The following EPS15 variants were observed in gnomAD, a reference collection of about 807,000 sequenced individuals.
EPS15 encodes the protein epidermal growth factor receptor pathway substrate 15.
EPS15 carries 72 observed loss-of-function variants against 113.8 expected under a neutral mutation model. The observed-to-expected ratio is 0.63, with a 90% CI of 0.52 to 0.77. EPS15 has a LOEUF of 0.77. Ranked by LOEUF, EPS15 falls within the 30% of genes least tolerant of loss-of-function variation. The pLI is 0.00. For missense variants in EPS15, 1,048 were observed against 1,045.8 expected (o/e 1.00, Z -0.03); for synonymous variants, 344 against 363.4 (o/e 0.95, Z 0.61).
Position 51,480,493 on chromosome 1 carries a change from C to T in EPS15, c.75+780G>A, listed in dbSNP as rs542786540. On this transcript the variant is annotated intron_variant, in intron 2 of 24. Coordinates refer to ENST00000371733, the MANE Select transcript of EPS15 (RefSeq NM_001981.3). ...TGGTGAAGTATGTAAATCTCTGTAA[C>T]TCATATTCCCATTTTTTTGTTGTTG... Among the ~76,000 whole-genome samples the T allele has an allele frequency of 4.6e-5, 7 of 152,210 alleles. No homozygotes were observed. In the South Asian group the frequency reaches 1.0e-3, roughly 23 times the overall value.
At chr1:51,464,948 G>A (rs1654739911) in intron 6 of EPS15, among the ~76,000 whole-genome samples, 1 of 152,178 alleles carries the variant, frequency 6.6e-6, no homozygotes, top group Non-Finnish European at 1.5e-5. Context: ...AAAATACATA[G>A]TTAACCAGAA....
In EPS15 at chr1:51,437,639, C is replaced by T. The variant is rs549791250; in HGVS notation, c.1040+2708G>A. 9.9e-5 allele frequency among the ~76,000 whole-genome samples: 15 copies of T among 151,948 alleles called. No individual in the cohort carries two copies. The East Asian group carries it at 1.9e-3, about 20-fold the overall frequency. On this transcript the variant is annotated intron_variant, in intron 12 of 24. Transcript: ENST00000371733. Reference sequence around the variant, plus strand: ...CTGGAATTACAGATGTGTGCCACCACGCCTGTCTAATTTTTGTATTTTTAG... The same window carrying T: ...CTGGAATTACAGATGTGTGCCACCATGCCTGTCTAATTTTTGTATTTTTAG...
intron 1 of EPS15, among the ~76,000 whole-genome samples, chr1:51,503,692 A>T (rs1161922267): frequency 1.3e-5 from 2 of 152,206 alleles, no homozygotes; most frequent in Non-Finnish European, 2.9e-5. Flanking sequence ...TCCCAATTTC[A>T]AAATGTATTA....
chr1:51,407,723 G>T (rs72694193), intron 15 of EPS15, among the ~76,000 whole-genome samples: 4,582 of 152,284 alleles, frequency 0.03, 73 homozygotes, highest in African/African-American at 0.05. Context: ...CAACACTTAT[G>T]GAGCATTTAT....
intron 8 of EPS15, among the ~76,000 whole-genome samples, chr1:51,454,712 C>T (rs965723451): frequency 3.3e-5 from 5 of 152,266 alleles, no homozygotes; most frequent in Admixed American, 1.3e-4. Flanking sequence ...CTAAATGCAA[C>T]GTGATACCCT....
chr1:51,477,515 T>G (rs1310952149), intron 2 of EPS15, among the ~76,000 whole-genome samples: 1 of 152,230 alleles, frequency 6.6e-6, no homozygotes, highest in African/African-American at 2.4e-5. Flanking sequence ...GTGCTGGCTC[T>G]TGCTTCTCTA....
intron 20 of EPS15, among the ~76,000 whole-genome samples, chr1:51,397,934 C>T (rs778476952): frequency 1.5e-4 from 23 of 152,186 alleles, no homozygotes; most frequent in Admixed American, 3.3e-4. Flanking sequence ...AAAAGCAAAA[C>T]CAAAAACCTG....
At chr1:51,449,343 A>G (rs1209917193) in intron 8 of EPS15, among the ~76,000 whole-genome samples, 1 of 152,212 alleles carries the variant, frequency 6.6e-6, no homozygotes, top group Non-Finnish European at 1.5e-5. Flanking sequence ...CAGGAACAGA[A>G]AAACAAATAC....
chr1:51,465,899 C>T (rs139250158), intron 5 of EPS15, among the ~76,000 whole-genome samples: 87 of 150,938 alleles, frequency 5.8e-4, no homozygotes, highest in African/African-American at 2.0e-3. Context: ...AAACAAGCAA[C>T]TAGTTACTGG....
chr1:51,380,441 G>A (rs1047341561), intron 21 of EPS15, among the ~76,000 whole-genome samples: 1 of 152,196 alleles, frequency 6.6e-6, no homozygotes, highest in Non-Finnish European at 1.5e-5. Flanking sequence ...GAGTGGAGCT[G>A]TAAAGGAGTG....
Position 51,440,291 on chromosome 1 carries a change from G to GTT in EPS15, c.1040+55_1040+56insAA, listed in dbSNP as rs971355227. 1.1e-5 allele frequency: 7 copies of GTT among 652,724 alleles called. No individual in the cohort carries two copies. The Admixed American group carries it at 1.5e-4, about 14-fold the overall frequency. 40.4% of individuals were successfully genotyped at this position (652,724 alleles called of 1,614,324 possible). The stretch of plus-strand genomic sequence containing the variant: ...ATATACATGTACTGTGTGTGTGTGT[G>GTT]TGTGTGTGTGTGTGTGTGTGTGTAT... On this transcript the variant is annotated intron_variant, in intron 12 of 24. Transcript: ENST00000371733.
chr1:51,396,021 A>C (rs1177182024), intron 20 of EPS15, among the ~76,000 whole-genome samples: 1 of 152,212 alleles, frequency 6.6e-6, no homozygotes, highest in African/African-American at 2.4e-5. Context: ...CTCTCTTTAT[A>C]AAAGAGAGTC....
rs1654622685 is a variant in EPS15, at chr1:51,463,408, G to A, written c.501+265C>T. 8 of 269,238 alleles carry A rather than the reference G, an allele frequency of 3.0e-5. No individual in the cohort carries two copies. The South Asian group carries it at 4.9e-4, about 17-fold the overall frequency. The allele number at this position is 269,238 out of a possible 1,614,324, so 16.7% of individuals were successfully genotyped here. A position where few individuals can be genotyped will look rare whatever the true frequency, so the allele number is the denominator to read the frequency against. On this transcript the variant is annotated intron_variant, in intron 7 of 24. Coordinates refer to ENST00000371733, the MANE Select transcript of EPS15 (RefSeq NM_001981.3). ...CTCAAGCAAATAGGAGGTCAAGAGTGTACAGCACAAACTAAAAAAGGACCT... is the reference window on the plus strand; with the variant it reads ...CTCAAGCAAATAGGAGGTCAAGAGTATACAGCACAAACTAAAAAAGGACCT...
chr1:51,363,585 T>C (rs1346517206), intron 23 of EPS15, among the ~76,000 whole-genome samples: 1 of 152,206 alleles, frequency 6.6e-6, no homozygotes, highest in East Asian at 1.9e-4. Flanking sequence ...TTCTTGACAC[T>C]TTCCCTTTTC....
At chr1:51,519,141 G>C in intron 1 of EPS15, 58 bp downstream of exon 1, 8 of 1,259,684 alleles carry the variant, frequency 6.4e-6, no homozygotes, top group African/African-American at 1.6e-5. Context: ...CGAAGCTGAG[G>C]GCGGTGGGGG....
At chr1:51,416,755 TA>T (rs1251490170) in intron 13 of EPS15, among the ~76,000 whole-genome samples, 1 of 151,932 alleles carries the variant, frequency 6.6e-6, no homozygotes, top group African/African-American at 2.4e-5. Context: ...TCTGAAAAGT[TA>T]AACCTTTTAA....
intron 11 of EPS15, among the ~76,000 whole-genome samples, chr1:51,443,302 A>AG (rs890657674): frequency 1.3e-5 from 2 of 151,458 alleles, no homozygotes; most frequent in African/African-American, 4.9e-5. Flanking sequence ...TGAAGAAGGC[A>AG]GAAAAAAAAA....
intron 21 of EPS15, among the ~76,000 whole-genome samples, chr1:51,377,490 A>G (rs569984603): frequency 2.0e-5 from 3 of 152,344 alleles, no homozygotes; most frequent in East Asian, 3.9e-4. Context: ...TAAAACTGGA[A>G]CCAAAGAGGA....
chr1:51,507,856 C>T (rs1341872448), intron 1 of EPS15, among the ~76,000 whole-genome samples: 2 of 151,956 alleles, frequency 1.3e-5, no homozygotes, highest in Non-Finnish European at 2.9e-5. Flanking sequence ...TCCAAGTTTT[C>T]TTTAGTGAGT....
Sources: allele counts gnomAD v4.1 joint callset (sites outside exome capture counted in the v4.1 genomes callset), GRCh38; gene constraint gnomAD v4.1.1; transcripts MANE v1.5; gene names NCBI Gene and HGNC (gene_info 2026-07-23, HGNC 2026-07-21).